The following AIFM1 variants were observed in gnomAD, a reference collection of about 807,000 sequenced individuals.
AIFM1 encodes the protein apoptosis inducing factor mitochondria associated 1.
Under a neutral mutation model 51.7 loss-of-function variants are expected in AIFM1, and 3 were observed. The observed-to-expected ratio is 0.06, with a 90% confidence interval of 0.03 to 0.15. AIFM1 has a LOEUF of 0.15. Ranked by LOEUF, AIFM1 falls within the 10% of genes least tolerant of loss-of-function variation. The pLI is 1.00. For missense variants in AIFM1, 330 were observed against 476.8 expected, an observed-to-expected ratio of 0.69 and a Z score of 2.87; for synonymous variants, 178 against 179.4, an observed-to-expected ratio of 0.99 and a Z score of 0.06.
At chrX:130,131,849 C>A (rs200864688) in intron 13 of AIFM1, 50 bp from the exon 14 acceptor site, 1 of 1,193,110 alleles carries the variant, frequency 8.4e-7, no homozygotes. Context: ...AGGAATGACA[C>A]GGTAGCACAT....
chrX:130,134,895 A>G (rs1355845224), intron 12 of AIFM1, among the ~76,000 whole-genome samples: 3 of 111,808 alleles, frequency 2.7e-5, no homozygotes, highest in African/African-American at 9.8e-5. Context: ...GCTTACATTT[A>G]TGGTGTTAAG....
chrX:130,156,129 T>A (rs1310599037), intron 2 of AIFM1, among the ~76,000 whole-genome samples: 1 of 112,178 alleles, frequency 8.9e-6, no homozygotes, highest in East Asian at 2.8e-4. Flanking sequence ...CAATGGATTT[T>A]GACTTTATTC....
chrX:130,140,945 G>A (rs780185295), intron 6 of AIFM1, among the ~76,000 whole-genome samples: 9 of 111,944 alleles, frequency 8.0e-5, no homozygotes, highest in South Asian at 3.7e-4. Flanking sequence ...GCGAAACCCC[G>A]TCTCTACTAA....
At chrX:130,130,299 T>TAGA in intron 14 of AIFM1, 133 bp from the exon 15 acceptor site, 1 of 737,771 alleles carries the variant, frequency 1.4e-6, no homozygotes, top group Non-Finnish European at 2.0e-6. Context: ...TTTATTTCTC[T>TAGA]ATGCCCCCTC....
intron 7 of AIFM1, among the ~76,000 whole-genome samples, chrX:130,140,089 T>A (rs1473988989): frequency 8.9e-6 from 1 of 112,337 alleles, no homozygotes; most frequent in Non-Finnish European, 1.9e-5. Context: ...CTTCAAGGGG[T>A]ACACCCTGCC....
chrX:130,163,304 C>CAAA (rs10708248), intron 1 of AIFM1, among the ~76,000 whole-genome samples: 8 of 66,843 alleles, frequency 1.2e-4, no homozygotes, highest in Non-Finnish European at 1.8e-4. Context: ...GACTCCGCCT[C>CAAA]AAAAAAAAAA....
At chrX:130,137,385 C>G in intron 9 of AIFM1, 200 bp from the exon 10 acceptor site, 1 of 1,155,761 alleles carries the variant, frequency 8.7e-7, no homozygotes. Flanking sequence ...CAACAGGTAT[C>G]AGAACTGCTG....
Position 130,147,739 on chromosome X carries a change from A to C in AIFM1, c.474+13T>G, listed in dbSNP as rs1057522482. On this transcript the variant is annotated intron_variant, in intron 4 of 15. Coordinates refer to ENST00000287295, the MANE Select transcript of AIFM1 (RefSeq NM_004208.4). ...TGTACCCTCTGTGCCAAGCAAAAAA[A>C]CATGCACCTTACCCTGGCCCCAGGA... 1 of 1,212,117 alleles carries C rather than the reference A, an allele frequency of 8.3e-7. No homozygotes were observed. Among genetic ancestry groups the C allele is most frequent in the Non-Finnish European group, 1.1e-6 (1 of 895,633 alleles).
chrX:130,131,647 T>G (rs761865077), intron 14 of AIFM1, 28 bp downstream of exon 14: 79 of 1,211,182 alleles, frequency 6.5e-5, no homozygotes, highest in Non-Finnish European at 8.5e-5. Context: ...CTCAACACTC[T>G]CCAAGAGGAG....
At chrX:130,145,774 C>T (rs996869952) in intron 5 of AIFM1, among the ~76,000 whole-genome samples, 2 of 111,671 alleles carry the variant, frequency 1.8e-5, no homozygotes, top group African/African-American at 6.5e-5. Flanking sequence ...AATTTTGCTC[C>T]CAGGGGATGT....
At position 130,133,373 on chromosome X, in the gene AIFM1, C is replaced by A. The variant is rs202219398; in HGVS notation, c.1388G>T (p.Arg463Ile). 2.3e-4 allele frequency: 273 copies of A among 1,209,022 alleles called. No homozygotes were observed. The highest frequency in any genetic ancestry group is 2.5e-4 in the Non-Finnish European group (225 of 894,999). The change falls in exon 13 of 16, where the codon AGA becomes ATA. Residue 463 changes from arginine to isoleucine, a missense_variant. Arg to Ile is a moderately conservative substitution (Grantham distance 97). Transcript: ENST00000287295. Reference protein sequence around the residue: ...EHHDHAVVSGRLAGENMTGAA... With the variant: ...EHHDHAVVSGILAGENMTGAA... The stretch of plus-strand genomic sequence containing the variant: ...TCCAGTCATATTTTCTCCAGCCAAT[C>A]TTCCACTCACAACAGCGTGATCATG...
intron 2 of AIFM1, among the ~76,000 whole-genome samples, chrX:130,150,952 T>C (rs1603228443): frequency 1.3e-5 from 1 of 76,213 alleles, no homozygotes. Flanking sequence ...CACTCCAGCC[T>C]GGGCGATAGA....
chrX:130,158,983 C>A (rs2031264177), intron 1 of AIFM1, among the ~76,000 whole-genome samples: 1 of 111,332 alleles, frequency 9.0e-6, no homozygotes, highest in African/African-American at 3.3e-5. Context: ...TGTGGTCTCT[C>A]ATCTGAAATC....
In AIFM1 at chrX:130,147,383, G is replaced by A. The variant is rs533152847; in HGVS notation, c.605+110C>T. 274 of 998,468 alleles carry A rather than the reference G, an allele frequency of 2.7e-4. No homozygotes were observed. In the South Asian group the frequency reaches 5.0e-3, roughly 18 times the overall value. 82.3% of individuals were successfully genotyped at this position (998,468 alleles called of 1,213,427 possible). A position where few individuals can be genotyped will look rare whatever the true frequency, so the allele number is the denominator to read the frequency against. ...AGTGTGGACCACAGTAGACTCTAGT[G>A]GACAGCCAAGCCATCCCTCCTATTA... On this transcript the variant is annotated intron_variant, in intron 5 of 15. Coordinates refer to ENST00000287295, the MANE Select transcript of AIFM1 (RefSeq NM_004208.4).
chrX:130,147,915 G>A, intron 3 of AIFM1, 39 bp from the exon 4 acceptor site: 2 of 1,208,577 alleles, frequency 1.7e-6, no homozygotes, highest in Non-Finnish European at 2.2e-6. Flanking sequence ...TCTTCTTGAA[G>A]TCTCAGATGA....
intron 1 of AIFM1, among the ~76,000 whole-genome samples, chrX:130,161,899 G>A (rs914375841): frequency 1.8e-5 from 2 of 111,946 alleles, no homozygotes; most frequent in East Asian, 2.8e-4. Flanking sequence ...GAGCCACCAC[G>A]CCTAGCTATC....
chrX:130,161,919 T>A (rs112194143), intron 1 of AIFM1, among the ~76,000 whole-genome samples: 5 of 112,356 alleles, frequency 4.5e-5, no homozygotes, highest in East Asian at 2.8e-4. Flanking sequence ...CAGCCTTTTT[T>A]AATTTTTTAA....
At chrX:130,131,517 A>G (rs1408844226) in intron 14 of AIFM1, among the ~76,000 whole-genome samples, 158 bp downstream of exon 14, 1 of 111,875 alleles carries the variant, frequency 8.9e-6, no homozygotes, top group Non-Finnish European at 1.9e-5. Context: ...TCAGACCACT[A>G]AAGAGTGAGG....
intron 1 of AIFM1, among the ~76,000 whole-genome samples, chrX:130,164,604 A>G (rs938995258): frequency 9.8e-5 from 11 of 112,008 alleles, no homozygotes; most frequent in African/African-American, 3.6e-4. Context: ...GAAGTAACGC[A>G]GTACGAAAAG....
Sources: allele counts gnomAD v4.1 joint callset (sites outside exome capture counted in the v4.1 genomes callset), GRCh38; gene constraint gnomAD v4.1.1; transcripts MANE v1.5; gene names NCBI Gene and HGNC (gene_info 2026-07-23, HGNC 2026-07-21).